Variants in GALNT18 observed in about 807,000 individuals in gnomAD.
GALNT18 encodes polypeptide N-acetylgalactosaminyltransferase 18, also known as GalNAc-transferase 18.
In GALNT18, 44 loss-of-function variants were observed where a neutral mutation model predicts 69.5. The observed-to-expected ratio is 0.63, with a 90% CI of 0.50 to 0.81. The LOEUF is 0.81. Ranked by LOEUF, GALNT18 falls within the 40% of genes least tolerant of loss-of-function variation. The probability of loss-of-function intolerance (pLI) is 0.00; values close to 1 mark genes in which losing one functional copy is unlikely to be tolerated. For missense variants in GALNT18, 715 were observed against 810.0 expected (o/e 0.88, Z 1.42); for synonymous variants, 364 against 318.2 (o/e 1.14, Z -1.53).
At chr11:11,515,844 G>A (rs1857262198) in intron 1 of GALNT18, among the ~76,000 whole-genome samples, 1 of 152,208 alleles carries the variant, frequency 6.6e-6, no homozygotes, top group South Asian at 2.1e-4. Flanking sequence ...GCCCTGAAAG[G>A]CCAGGTAGCA....
At chr11:11,553,454 C>A (rs2133972254) in intron 1 of GALNT18, among the ~76,000 whole-genome samples, 1 of 152,348 alleles carries the variant, frequency 6.6e-6, no homozygotes. Flanking sequence ...TGTCCCAGGG[C>A]ATGGACGGGA....
At chr11:11,464,045 T>C (rs112530636) in intron 1 of GALNT18, among the ~76,000 whole-genome samples, 2,191 of 152,186 alleles carry the variant, frequency 0.014, 43 homozygotes, top group African/African-American at 0.05. Context: ...AGCAAAGGTT[T>C]TGGACAAAGA....
intron 6 of GALNT18, among the ~76,000 whole-genome samples, chr11:11,343,494 C>T (rs950979820): frequency 3.3e-5 from 5 of 152,210 alleles, no homozygotes; most frequent in Non-Finnish European, 7.3e-5. Flanking sequence ...GATGATCAAG[C>T]TTTGAAAGGA....
In GALNT18 at chr11:11,309,692, C is replaced by T. The variant is rs1849638067; in HGVS notation, c.1513-16499G>A. Among the ~76,000 whole-genome samples the T allele has an allele frequency of 6.6e-6, 1 of 152,166 alleles. No homozygotes were observed. On this transcript the variant is annotated intron_variant, in intron 9 of 10. Transcript: ENST00000227756. The surrounding 1 kb of genome is among the most constrained non-coding windows in gnomAD (Gnocchi z 4.6). ...ACCTCAACCAGGTACTTCAACACAACCTAGTATTACTTCTTTGGGTACCTG... is the reference window on the plus strand; with the variant it reads ...ACCTCAACCAGGTACTTCAACACAATCTAGTATTACTTCTTTGGGTACCTG...
chr11:11,566,496 G>A (rs1256301909), intron 1 of GALNT18, among the ~76,000 whole-genome samples: 2 of 152,186 alleles, frequency 1.3e-5, no homozygotes, highest in African/African-American at 2.4e-5. Context: ...GGTTCTGCAG[G>A]AGAATATCTC....
intron 9 of GALNT18, among the ~76,000 whole-genome samples, chr11:11,296,493 TGTGGGCTGTGA>T (rs1849403347): frequency 6.6e-6 from 1 of 152,200 alleles, no homozygotes; most frequent in Non-Finnish European, 1.5e-5. Context: ...GGTTTGGGGA[TGTGGGCTGTGA>T]GACAAGGACA....
chr11:11,292,660 C>A (rs1209050298), intron 10 of GALNT18, among the ~76,000 whole-genome samples: 1 of 152,124 alleles, frequency 6.6e-6, no homozygotes, highest in African/African-American at 2.4e-5. Flanking sequence ...GTCAGAAAGA[C>A]CTGAGTTTAT....
chr11:11,279,533 GACA>G (rs1343803551), intron 10 of GALNT18, among the ~76,000 whole-genome samples: 1 of 152,134 alleles, frequency 6.6e-6, no homozygotes, highest in African/African-American at 2.4e-5. Context: ...TAGTACAGCA[GACA>G]TATAACTCAC....
chr11:11,550,655 G>A (rs1039659536), intron 1 of GALNT18, among the ~76,000 whole-genome samples: 7 of 152,214 alleles, frequency 4.6e-5, no homozygotes, highest in Non-Finnish European at 4.4e-5. Context: ...CCCATGCCAT[G>A]GGAGTGTACC....
At chr11:11,524,652 A>G (rs1857477796) in intron 1 of GALNT18, among the ~76,000 whole-genome samples, 1 of 152,230 alleles carries the variant, frequency 6.6e-6, no homozygotes, top group South Asian at 2.1e-4. Flanking sequence ...GGCAGCCACA[A>G]CTGACTCACA....
At chr11:11,334,134 T>C (rs1446218720) in intron 7 of GALNT18, among the ~76,000 whole-genome samples, 2 of 152,178 alleles carry the variant, frequency 1.3e-5, no homozygotes, top group African/African-American at 4.8e-5. Context: ...ATTGAGTTAC[T>C]GAGGTTGGGC....
chr11:11,488,118 T>G (rs1856683051), intron 1 of GALNT18, among the ~76,000 whole-genome samples: 1 of 152,222 alleles, frequency 6.6e-6, no homozygotes, highest in African/African-American at 2.4e-5. Flanking sequence ...ATTACTTTCC[T>G]ATTGTTGTGG....
chr11:11,485,932 G>T (rs1407438237), intron 1 of GALNT18, among the ~76,000 whole-genome samples: 1 of 152,136 alleles, frequency 6.6e-6, no homozygotes, highest in Non-Finnish European at 1.5e-5. Flanking sequence ...CTCTAGGGAG[G>T]CCTATTGTGA....
chr11:11,465,300 T>C lies in GALNT18; in HGVS notation c.236-16364A>G, dbSNP rs1365542750. ...TATTTAGACTGATTTCCCCTGAGAC[T>C]GGGGAGTTGGGTGGGCAGGGTCATC... On this transcript the variant is annotated intron_variant, in intron 1 of 10. Coordinates refer to ENST00000227756, the MANE Select transcript of GALNT18 (RefSeq NM_198516.3). This position sits in a 1 kb window ranked among gnomAD's most constrained non-coding sequence, Gnocchi z 5.7. 6.6e-6 allele frequency among the ~76,000 whole-genome samples: 1 copy of C among 152,024 alleles called. No individual in the cohort carries two copies. Among genetic ancestry groups the C allele is most frequent in the African/African-American group, 2.4e-5 (1 of 41,402 alleles).
chr11:11,448,840 C>T lies in GALNT18; in HGVS notation c.332G>A (p.Arg111His), dbSNP rs369370082. The change falls in exon 2 of 11, where the codon CGC becomes CAC. Residue 111 changes from arginine to histidine, a missense_variant. Transcript: ENST00000227756. ...WGQELSPEGR[R>H]VALKQFQYYG... Reference sequence around the variant, plus strand: ...GTACTGGAATTGCTTCAGGGCCACGCGCCGGCCTTCGGGGCTGAGCTCCTG... The same window carrying T: ...GTACTGGAATTGCTTCAGGGCCACGTGCCGGCCTTCGGGGCTGAGCTCCTG... 9.9e-6 allele frequency: 16 copies of T among 1,611,824 alleles called. No individual in the cohort carries two copies. Among genetic ancestry groups the T allele is most frequent in the South Asian group, 6.6e-5 (6 of 90,650 alleles).
At chr11:11,526,616 GCT>G (rs1857532661) in intron 1 of GALNT18, among the ~76,000 whole-genome samples, 2 of 152,012 alleles carry the variant, frequency 1.3e-5, no homozygotes, top group Non-Finnish European at 2.9e-5. Context: ...TATCACAAAG[GCT>G]ACATCTCAGG....
chr11:11,486,390 G>T (rs539720126), intron 1 of GALNT18, among the ~76,000 whole-genome samples: 1 of 152,308 alleles, frequency 6.6e-6, no homozygotes, highest in South Asian at 2.1e-4. Flanking sequence ...AAGCCCCAAG[G>T]TCTTTGGGCA....
At chr11:11,297,945 T>TA (rs1332884479) in intron 9 of GALNT18, among the ~76,000 whole-genome samples, 2 of 152,226 alleles carry the variant, frequency 1.3e-5, no homozygotes, top group East Asian at 3.9e-4. Context: ...TCCTGGATCT[T>TA]ACGCTAGTGG....
Position 11,540,974 on chromosome 11 carries a change from C to A in GALNT18, c.235+80385G>T, listed in dbSNP as rs1202825044. On this transcript the variant is annotated intron_variant, in intron 1 of 10. Coordinates refer to ENST00000227756, the MANE Select transcript of GALNT18 (RefSeq NM_198516.3). The surrounding 1 kb of genome is among the most constrained non-coding windows in gnomAD (Gnocchi z 4.6). ...AAAAGATTTGTGCAATGTTATGATT[C>A]TCTTTTCTTTGATGGTGGATACTTC... is the stretch of plus-strand genomic sequence containing the variant. Among the ~76,000 whole-genome samples, 1 of 152,202 alleles carries A rather than the reference C, an allele frequency of 6.6e-6. No homozygotes were observed. The highest frequency in any genetic ancestry group is 1.5e-5 in the Non-Finnish European group (1 of 68,032).
Sources: allele counts gnomAD v4.1 joint callset (sites outside exome capture counted in the v4.1 genomes callset), GRCh38; gene constraint gnomAD v4.1.1; non-coding constraint Gnocchi (gnomAD v3.1); transcripts MANE v1.5; gene names NCBI Gene and HGNC (gene_info 2026-07-23, HGNC 2026-07-21).